NDUFA10: variants seen among roughly 807,000 people sequenced by gnomAD.
The protein encoded by NDUFA10 is NADH dehydrogenase [ubiquinone] 1 alpha subcomplex subunit 10, mitochondrial.
Under a neutral mutation model 47.8 loss-of-function variants are expected in NDUFA10, and 40 were observed. The observed-to-expected ratio is 0.84, with a 90% confidence interval of 0.65 to 1.09. The LOEUF is 1.09. Among genes scored for constraint, NDUFA10 ranks in the 50% least tolerant of loss-of-function variants. The probability of loss-of-function intolerance (pLI) is 0.00; values close to 1 mark genes in which losing one functional copy is unlikely to be tolerated. For synonymous variants in NDUFA10, 183 were observed against 172.2 expected (o/e 1.06, Z -0.49); for missense variants, 413 against 451.1 (o/e 0.92, Z 0.76).
intron 4 of NDUFA10, among the ~76,000 whole-genome samples, chr2:239,897,711 T>C (rs1693423281): frequency 6.6e-6 from 1 of 152,180 alleles, no homozygotes; most frequent in Non-Finnish European, 1.5e-5. Flanking sequence ...CTTACCTAAC[T>C]GCCTGTCCCC....
chr2:239,934,332 C>G (rs1694225654), intron 4 of NDUFA10, among the ~76,000 whole-genome samples: 1 of 152,138 alleles, frequency 6.6e-6, no homozygotes. Flanking sequence ...TGGGTCTTAA[C>G]CTTCTCCTAG....
At position 239,959,576 on chromosome 2, in the gene NDUFA10, A is replaced by G. The variant is rs2106391141; in HGVS notation, c.*1542T>C. 2 of 985,540 alleles carry G rather than the reference A, an allele frequency of 2.0e-6. No homozygotes were observed. The highest frequency in any genetic ancestry group is 4.7e-5 in the South Asian group (1 of 21,290). The allele number at this position is 985,540 out of a possible 1,614,324, so 61.0% of individuals were successfully genotyped here. A position where few individuals can be genotyped will look rare whatever the true frequency, so the allele number is the denominator to read the frequency against. On this transcript the variant is annotated 3_prime_UTR_variant, in exon 10 of 10. Coordinates refer to ENST00000252711, the MANE Select transcript of NDUFA10 (RefSeq NM_004544.4). The stretch of plus-strand genomic sequence containing the variant: ...CTTCAGCCACTTAAATCTCGACTCC[A>G]ATTCAAAACTCCTGGGAAACTTTAT...
chr2:239,918,842 G>C (rs570140850), intron 4 of NDUFA10, among the ~76,000 whole-genome samples: 1 of 152,350 alleles, frequency 6.6e-6, no homozygotes, highest in East Asian at 1.9e-4. Context: ...GCCAGTTCAG[G>C]AAGGGGTGGC....
chr2:240,006,815 A>G (rs1696965202), intron 7 of NDUFA10, among the ~76,000 whole-genome samples: 1 of 152,176 alleles, frequency 6.6e-6, no homozygotes. Flanking sequence ...TTGCATTAAC[A>G]CCACAATGCT....
chr2:239,941,845 A>G (rs1694365973), intron 4 of NDUFA10, among the ~76,000 whole-genome samples: 1 of 152,238 alleles, frequency 6.6e-6, no homozygotes, highest in Non-Finnish European at 1.5e-5. Flanking sequence ...CTGTATATCA[A>G]CAGAAACACA....
intron 4 of NDUFA10, among the ~76,000 whole-genome samples, chr2:239,930,537 C>T (rs974418040): frequency 1.3e-5 from 2 of 151,964 alleles, no homozygotes; most frequent in Admixed American, 6.6e-5. Context: ...CTCTGCACCC[C>T]GCTGTCCGCA....
chr2:239,922,873 G>C (rs948941240), intron 4 of NDUFA10, among the ~76,000 whole-genome samples: 3 of 152,198 alleles, frequency 2.0e-5, no homozygotes, highest in Non-Finnish European at 4.4e-5. Context: ...ACACCTTTGC[G>C]AAGTAGAAAG....
chr2:240,008,132 T>A (rs537984731), intron 6 of NDUFA10, among the ~76,000 whole-genome samples: 3 of 152,218 alleles, frequency 2.0e-5, no homozygotes, highest in Admixed American at 6.5e-5. Flanking sequence ...GTCTCATCAT[T>A]ACTGACTCAC....
downstream of NDUFA10, among the ~76,000 whole-genome samples, chr2:239,955,490 A>G (rs1694635513): frequency 6.6e-6 from 1 of 152,194 alleles, no homozygotes; most frequent in African/African-American, 2.4e-5. Context: ...CTGATGCAGA[A>G]TGACCAGTTG....
chr2:240,022,199 G>A lies in NDUFA10; in HGVS notation c.217C>T (p.Leu73Phe). Residue 73 changes from leucine (L) to phenylalanine (F), a missense_variant, in exon 2 of 10, where the codon CTT (leucine) becomes TTT (phenylalanine). By Grantham distance (22) the Leu-to-Phe change is conservative (BLOSUM62 0). Transcript: ENST00000252711. ...AGTTTCTCTGCTATTTCTTTTGCAA[G>A]TTTGCCTTTTCCAGTACATATATTG... Reference protein sequence around the residue: ...DGNICTGKGKLAKEIAEKLGF... With the variant: ...DGNICTGKGKFAKEIAEKLGF... 2.5e-6 allele frequency: 4 copies of A among 1,613,656 alleles called. No homozygotes were observed. Among genetic ancestry groups the A allele is most frequent in the Non-Finnish European group, 3.4e-6 (4 of 1,179,648 alleles).
intron 4 of NDUFA10, 61 bp downstream of exon 4, chr2:240,018,492 T>C: frequency 6.2e-7 from 1 of 1,614,020 alleles, no homozygotes; most frequent in Non-Finnish European, 8.5e-7. Context: ...AAGGTGAGTC[T>C]ATCACAGCCC....
chr2:239,895,937 G>C (rs1693387136), intron 4 of NDUFA10, among the ~76,000 whole-genome samples: 1 of 151,948 alleles, frequency 6.6e-6, no homozygotes, highest in South Asian at 2.1e-4. Flanking sequence ...TCCATGCATT[G>C]TTTTCAGTGT....
chr2:239,895,123 C>A, intron 5 of NDUFA10: 1 of 301,244 alleles, frequency 3.3e-6, no homozygotes, highest in South Asian at 2.7e-5. Flanking sequence ...CTTCCTTATC[C>A]CCACCATCCA....
chr2:240,007,398 G>A, intron 6 of NDUFA10, 28 bp from the exon 7 acceptor site: 1 of 1,501,050 alleles, frequency 6.7e-7, no homozygotes. Context: ...ATGAAATTCA[G>A]TGTAAACTTT....
chr2:239,997,938 G>C (rs1012796230), intron 8 of NDUFA10, among the ~76,000 whole-genome samples: 3 of 152,242 alleles, frequency 2.0e-5, no homozygotes, highest in East Asian at 1.9e-4. Context: ...GGTAAGTGCA[G>C]CATATATGGG....
At chr2:239,977,569 T>C (rs1695582349) in intron 9 of NDUFA10, among the ~76,000 whole-genome samples, 1 of 152,128 alleles carries the variant, frequency 6.6e-6, no homozygotes, top group African/African-American at 2.4e-5. Flanking sequence ...TAAAGGCCAG[T>C]CAAGACATCT....
chr2:239,985,298 C>T (rs763645845), intron 9 of NDUFA10, among the ~76,000 whole-genome samples: 1 of 152,110 alleles, frequency 6.6e-6, no homozygotes, highest in Non-Finnish European at 1.5e-5. Context: ...AAAATAATAT[C>T]AGCAGTAAAC....
rs1000519962 is a variant in NDUFA10, at chr2:239,960,455, C to T, written c.*663G>A. On this transcript the variant is annotated 3_prime_UTR_variant, in exon 10 of 10. Transcript: ENST00000252711. ...AATCTCCCTTCAAAGGAGTTTGAGA[C>T]GCTGAGGACGGCCACGTGAATCTTT... The T allele has an allele frequency of 5.1e-6, 5 of 988,692 alleles. No homozygotes were observed. The highest frequency in any genetic ancestry group is 9.3e-5 in the South Asian group (2 of 21,562). 61.2% of individuals were successfully genotyped at this position (988,692 alleles called of 1,614,324 possible).
rs575926528 is a variant in NDUFA10 at position 240,016,824 on chromosome 2, T to G, written c.547+1729A>C. On this transcript the variant is annotated intron_variant, in intron 4 of 9. Coordinates refer to ENST00000252711, the MANE Select transcript of NDUFA10 (RefSeq NM_004544.4). The surrounding 1 kb of genome is among the most constrained non-coding windows in gnomAD (Gnocchi z 4.4). ...CAGACTTCAGCAGACACTCAGCAGA[T>G]GCCGACAGGTATCTCCTGCCACCTT... 3.3e-5 allele frequency among the ~76,000 whole-genome samples: 5 copies of G among 152,268 alleles called. No homozygotes were observed. The South Asian group carries it at 8.3e-4, about 25-fold the overall frequency.
Sources: allele counts gnomAD v4.1 joint callset (sites outside exome capture counted in the v4.1 genomes callset), GRCh38; gene constraint gnomAD v4.1.1; non-coding constraint Gnocchi (gnomAD v3.1); transcripts MANE v1.5; gene names NCBI Gene and HGNC (gene_info 2026-07-23, HGNC 2026-07-21).